TRPC5: variants seen among roughly 807,000 people sequenced by gnomAD.
TRPC5 encodes transient receptor potential cation channel subfamily C member 5.
In TRPC5, 9 loss-of-function variants were observed where a neutral mutation model predicts 56.5. The observed-to-expected ratio is 0.16, with a 90% CI of 0.10 to 0.28. The LOEUF (loss-of-function observed/expected upper bound fraction) is 0.28, where lower values mean the gene tolerates loss of function less well. TRPC5 is among the 10% of genes least tolerant of loss of function. TRPC5 has a pLI of 1.00. For synonymous variants in TRPC5, 282 were observed against 278.5 expected (o/e 1.01, Z -0.13); for missense variants, 469 against 748.9 (o/e 0.63, Z 4.36).
chrX:112,001,442 A>G (rs1327942727), intron 1 of TRPC5, among the ~76,000 whole-genome samples: 1 of 112,013 alleles, frequency 8.9e-6, no homozygotes, highest in Non-Finnish European at 1.9e-5. Context: ...AAGTGCTCAA[A>G]ACATGTTATC....
intron 1 of TRPC5, among the ~76,000 whole-genome samples, chrX:112,029,256 G>A (rs1929517734): frequency 9.0e-6 from 1 of 111,184 alleles, no homozygotes; most frequent in Admixed American, 9.6e-5. Flanking sequence ...AATGTCTTCT[G>A]TGCCTGGATT....
chrX:111,982,106 G>T (rs1009612848), intron 1 of TRPC5, among the ~76,000 whole-genome samples: 7 of 111,840 alleles, frequency 6.3e-5, no homozygotes, highest in African/African-American at 2.3e-4. Flanking sequence ...TGCCATGATT[G>T]TAAGTTTCCT....
At chrX:111,923,730 G>A (rs915241127) in intron 2 of TRPC5, among the ~76,000 whole-genome samples, 1 of 111,944 alleles carries the variant, frequency 8.9e-6, no homozygotes, top group Non-Finnish European at 1.9e-5. Flanking sequence ...GAGATCTGAC[G>A]TTTTCCAGGA....
chrX:112,029,857 C>T (rs1202734400), intron 1 of TRPC5, among the ~76,000 whole-genome samples: 1 of 103,127 alleles, frequency 9.7e-6, no homozygotes, highest in Non-Finnish European at 2.0e-5. Context: ...GACAGAGTTT[C>T]GCTCTTGTTA....
chrX:112,076,380 A>G (rs780620499), intron 1 of TRPC5, among the ~76,000 whole-genome samples: 1 of 111,519 alleles, frequency 9.0e-6, no homozygotes, highest in South Asian at 3.9e-4. Flanking sequence ...ATCATATTTT[A>G]CTGGTGAGAA....
intron 6 of TRPC5, among the ~76,000 whole-genome samples, chrX:111,840,292 G>A (rs770675604): frequency 3.4e-4 from 38 of 112,466 alleles, no homozygotes; most frequent in African/African-American, 1.2e-3. Flanking sequence ...CTCCCAAAGT[G>A]TTGGAATTAC....
intron 1 of TRPC5, among the ~76,000 whole-genome samples, chrX:111,984,566 T>G (rs1460792769): frequency 8.9e-6 from 1 of 111,959 alleles, no homozygotes; most frequent in Admixed American, 9.5e-5. Context: ...TGGAAGGTCC[T>G]TGAACTTCTG....
At chrX:111,834,715 G>A (rs1487472287) in intron 7 of TRPC5, among the ~76,000 whole-genome samples, 3 of 111,969 alleles carry the variant, frequency 2.7e-5, no homozygotes, top group Non-Finnish European at 3.8e-5. Flanking sequence ...TTATTCACTC[G>A]AATAACTTAG....
At chrX:111,828,757 G>A (rs1214281743) in intron 7 of TRPC5, among the ~76,000 whole-genome samples, 1 of 111,647 alleles carries the variant, frequency 9.0e-6, no homozygotes, top group African/African-American at 3.3e-5. Context: ...GGGAGAGTTT[G>A]GAACGTCCTA....
intron 7 of TRPC5, among the ~76,000 whole-genome samples, chrX:111,795,859 G>A (rs138087159): frequency 4.3e-3 from 477 of 110,277 alleles, no homozygotes; most frequent in African/African-American, 0.015. Context: ...TACATCTGAT[G>A]TCCCACAAGT....
chrX:111,776,240 T>C lies in TRPC5; in HGVS notation c.*73A>G, dbSNP rs1945877159. The C allele has an allele frequency of 1.1e-5, 11 of 1,027,622 alleles. No homozygotes were observed. Among genetic ancestry groups the C allele is most frequent in the Non-Finnish European group, 1.4e-5 (11 of 773,275 alleles). The allele number at this position is 1,027,622 out of a possible 1,213,427, so 84.7% of individuals were successfully genotyped here. ...GGGCAGGGGCAGTGAGGGAATCATA[T>C]TCTGTGTCACCTCTGAGAGCAAGGA... On this transcript the variant is annotated 3_prime_UTR_variant, in exon 11 of 11. Coordinates refer to ENST00000262839, the MANE Select transcript of TRPC5 (RefSeq NM_012471.3).
intron 3 of TRPC5, among the ~76,000 whole-genome samples, chrX:111,874,668 G>A (rs902400032): frequency 2.1e-4 from 24 of 112,161 alleles, no homozygotes; most frequent in African/African-American, 7.5e-4. Flanking sequence ...GTTTTGTCTA[G>A]TAAGTGGTGA....
chrX:112,072,133 G>A (rs1930732943), intron 1 of TRPC5, among the ~76,000 whole-genome samples: 1 of 111,986 alleles, frequency 8.9e-6, no homozygotes, highest in Non-Finnish European at 1.9e-5. Flanking sequence ...ATGGTAACGA[G>A]GAGCACGAAC....
chrX:112,008,870 C>T (rs1603143253), intron 1 of TRPC5, among the ~76,000 whole-genome samples: 1 of 111,367 alleles, frequency 9.0e-6, no homozygotes, highest in East Asian at 2.8e-4. Flanking sequence ...GAAGCTGAGT[C>T]GTTAGAGTGT....
chrX:112,026,249 G>A (rs1489501579), intron 1 of TRPC5, among the ~76,000 whole-genome samples: 3 of 112,147 alleles, frequency 2.7e-5, no homozygotes, highest in Non-Finnish European at 5.6e-5. Context: ...TTTGTCTCCA[G>A]CACTTATTTG....
At chrX:111,894,366 A>C (rs2148609332) in intron 3 of TRPC5, among the ~76,000 whole-genome samples, 1 of 112,058 alleles carries the variant, frequency 8.9e-6, no homozygotes, top group South Asian at 3.8e-4. Context: ...ACTTTTGATT[A>C]GTTGTGCAGA....
At chrX:111,807,434 TA>T (rs146360319) in intron 7 of TRPC5, among the ~76,000 whole-genome samples, 2 of 112,545 alleles carry the variant, frequency 1.8e-5, no homozygotes, top group Admixed American at 9.4e-5. Flanking sequence ...TCTATCTTTT[TA>T]AAAAAATGTA....
intron 3 of TRPC5, among the ~76,000 whole-genome samples, chrX:111,893,100 T>A (rs1924886073): frequency 9.7e-6 from 1 of 103,259 alleles, no homozygotes; most frequent in African/African-American, 3.7e-5. Context: ...TTTTTTCGGA[T>A]ACCAGATCCT....
At chrX:112,072,399 G>A in intron 1 of TRPC5, among the ~76,000 whole-genome samples, 1 of 111,364 alleles carries the variant, frequency 9.0e-6, no homozygotes. Flanking sequence ...TGTTATTATG[G>A]GATAATGACT....
Sources: gnomAD v4.1 joint callset for allele counts (sites outside exome capture counted in the v4.1 genomes callset) on GRCh38, gnomAD v4.1.1 for gene constraint, MANE v1.5 for transcripts, NCBI Gene and HGNC (gene_info 2026-07-23, HGNC 2026-07-21) for gene names.